The following SH3KBP1 variants were observed in gnomAD, a reference collection of about 807,000 sequenced individuals.
SH3KBP1 encodes SH3 domain-containing kinase-binding protein 1.
Under a neutral mutation model 50.1 loss-of-function variants are expected in SH3KBP1, and 8 were observed. That is an observed-to-expected ratio of 0.16 (90% CI 0.09 to 0.29). SH3KBP1 has a LOEUF of 0.29. Ranked by LOEUF, SH3KBP1 falls within the 10% of genes least tolerant of loss-of-function variation. SH3KBP1 has a pLI of 1.00. For missense variants in SH3KBP1, 377 were observed against 535.2 expected, an observed-to-expected ratio of 0.70 and a Z score of 2.92; for synonymous variants, 227 against 218.6, an observed-to-expected ratio of 1.04 and a Z score of -0.34.
At chrX:19,552,410 G>A (rs2065268242) in intron 13 of SH3KBP1, among the ~76,000 whole-genome samples, 1 of 110,459 alleles carries the variant, frequency 9.1e-6, no homozygotes, top group Non-Finnish European at 1.9e-5. Flanking sequence ...CATAACGAGG[G>A]GCAGAGGAAG....
intron 4 of SH3KBP1, among the ~76,000 whole-genome samples, chrX:19,696,917 C>G (rs1036418473): frequency 9.0e-6 from 1 of 111,727 alleles, no homozygotes; most frequent in Non-Finnish European, 1.9e-5. Context: ...AGGAACCATA[C>G]GTCAAATTTT....
chrX:19,703,757 TG>T (rs1390467262), intron 4 of SH3KBP1, among the ~76,000 whole-genome samples: 1 of 99,126 alleles, frequency 1.0e-5, no homozygotes, highest in East Asian at 3.2e-4. Context: ...TGTGTGTGTG[TG>T]TACAGCTTTG....
chrX:19,578,151 C>T (rs1167954791), intron 12 of SH3KBP1, among the ~76,000 whole-genome samples: 1 of 111,625 alleles, frequency 9.0e-6, no homozygotes, highest in Non-Finnish European at 1.9e-5. Context: ...TTTTTTATGA[C>T]AACTTTTTAC....
At chrX:19,551,550 C>CTTTTTTTTTTTTTTTTTTTTTTTTTTTT (rs397800260) in intron 13 of SH3KBP1, among the ~76,000 whole-genome samples, 11 of 95,146 alleles carry the variant, frequency 1.2e-4, no homozygotes, top group African/African-American at 3.9e-4. Flanking sequence ...CTCCCTCCCT[C>CTTTTTTTTTTTTTTTTTTTTTTTTTTTT]TTTTTTTTTT....
chrX:19,671,534 T>C (rs1569408281), intron 6 of SH3KBP1, among the ~76,000 whole-genome samples: 2 of 111,623 alleles, frequency 1.8e-5, no homozygotes, highest in South Asian at 3.7e-4. Flanking sequence ...TAAATCACAA[T>C]TTTGTTCTTT....
At chrX:19,576,886 C>G (rs1020003992) in intron 12 of SH3KBP1, among the ~76,000 whole-genome samples, 1 of 111,582 alleles carries the variant, frequency 9.0e-6, no homozygotes, top group Non-Finnish European at 1.9e-5. Context: ...AGAGAGCCTC[C>G]TCAGCCAAGG....
At chrX:19,566,941 G>C (rs144729224) in intron 13 of SH3KBP1, among the ~76,000 whole-genome samples, 71 of 111,283 alleles carry the variant, frequency 6.4e-4, no homozygotes, top group African/African-American at 2.3e-3. Context: ...CCCAAACAGA[G>C]GGACAGCAGC....
intron 12 of SH3KBP1, chrX:19,588,400 GTAC>G: frequency 9.0e-7 from 1 of 1,113,799 alleles, no homozygotes; most frequent in Non-Finnish European, 1.2e-6. Context: ...TAAATGCTGG[GTAC>G]CCAGTCCTCA....
chrX:19,859,017 A>G lies in SH3KBP1; in HGVS notation c.5-22735T>C, dbSNP rs531442448. On this transcript the variant is annotated intron_variant, in intron 1 of 17. Transcript: ENST00000397821. Reference sequence around the variant, plus strand: ...AAGTAACTGGCAGAAAGAACTTCGCATATGAGGCTTTGTGTAGTACAGTGT... The same window carrying G: ...AAGTAACTGGCAGAAAGAACTTCGCGTATGAGGCTTTGTGTAGTACAGTGT... Among the ~76,000 whole-genome samples the G allele has an allele frequency of 2.7e-4, 30 of 112,562 alleles. No homozygotes were observed. In the South Asian group the frequency reaches 0.011, roughly 41 times the overall value.
intron 2 of SH3KBP1, among the ~76,000 whole-genome samples, chrX:19,783,324 C>A (rs1478748616): frequency 8.9e-6 from 1 of 112,217 alleles, no homozygotes; most frequent in Non-Finnish European, 1.9e-5. Flanking sequence ...TATTTCAATA[C>A]ATATATACAA....
chrX:19,600,095 C>CA (rs1218369399), intron 9 of SH3KBP1, among the ~76,000 whole-genome samples: 10,526 of 26,681 alleles, frequency 0.39, 2,017 homozygotes, highest in African/African-American at 0.49. Flanking sequence ...GACTCCGTCT[C>CA]AAAAAAAAAA....
chrX:19,607,890 C>T, intron 9 of SH3KBP1, 48 bp downstream of exon 9: 1 of 1,080,957 alleles, frequency 9.3e-7, no homozygotes. Flanking sequence ...TCCCAAGTCC[C>T]AACATGGGAG....
chrX:19,580,752 A>G (rs887024900), intron 12 of SH3KBP1, among the ~76,000 whole-genome samples: 2 of 110,609 alleles, frequency 1.8e-5, no homozygotes, highest in Non-Finnish European at 3.8e-5. Context: ...TCTAGCTTCC[A>G]TGACATCACA....
At chrX:19,882,261 C>T (rs1049496245) in intron 1 of SH3KBP1, among the ~76,000 whole-genome samples, 3 of 110,833 alleles carry the variant, frequency 2.7e-5, no homozygotes, top group African/African-American at 9.8e-5. Context: ...CCCTCCCCGC[C>T]CCCAGATGCC....
rs2060440633 is a variant in SH3KBP1 at position 19,588,801 on chromosome X, T to G, written c.1140A>C (p.Glu380Asp). The stretch of plus-strand genomic sequence containing the variant: ...CCAGTTTTGGCTCTCTCTCTGGTCT[T>G]TCTTTAAATCATTGTTTAAAGAAAA... ...EMLPNRTEEK[E>D]RPEREPKLDL... Residue 380 changes from glutamate (E) to aspartate (D), a missense_variant and splice_region_variant, in exon 12 of 18, where the codon GAA becomes GAC. Physicochemically the swap from Glu to Asp is conservative, Grantham distance 45. Transcript: ENST00000397821. The G allele has an allele frequency of 2.6e-6, 3 of 1,138,729 alleles. No homozygotes were observed. The highest frequency in any genetic ancestry group is 2.5e-4 in the Middle Eastern group (1 of 4,036). The allele number at this position is 1,138,729 out of a possible 1,213,427, so 93.8% of individuals were successfully genotyped here. A position where few individuals can be genotyped will look rare whatever the true frequency, so the allele number is the denominator to read the frequency against.
chrX:19,741,139 G>A (rs2064755365), intron 3 of SH3KBP1, among the ~76,000 whole-genome samples: 1 of 112,412 alleles, frequency 8.9e-6, no homozygotes, highest in Admixed American at 9.4e-5. Flanking sequence ...TGATCCCTCT[G>A]TTAAGGAAAA....
chrX:19,873,361 A>G (rs868159072), intron 1 of SH3KBP1, among the ~76,000 whole-genome samples: 3 of 104,172 alleles, frequency 2.9e-5, no homozygotes, highest in Non-Finnish European at 5.8e-5. Flanking sequence ...ACATATAGCA[A>G]CAAGTATATA....
Position 19,887,328 on chromosome X carries a change from G to T in SH3KBP1, c.-18C>A. ...TCACCCATTGGCGTCGAGCCGGGCC[G>T]GGCCGCCGAGGCAGCGTGAAAGTTG... On this transcript the variant is annotated 5_prime_UTR_variant, in exon 1 of 18. Transcript: ENST00000397821. 1.0e-6 allele frequency: 1 copy of T among 977,443 alleles called. No individual in the cohort carries two copies. The highest frequency in any genetic ancestry group is 3.7e-5 in the South Asian group (1 of 27,093). 80.6% of individuals were successfully genotyped at this position (977,443 alleles called of 1,213,427 possible).
chrX:19,679,718 T>C (rs1365415304), intron 6 of SH3KBP1, among the ~76,000 whole-genome samples: 1 of 111,510 alleles, frequency 9.0e-6, no homozygotes, highest in Admixed American at 9.5e-5. Flanking sequence ...AAATACCAAC[T>C]CATGATCAAT....
Sources: gnomAD v4.1 joint callset for allele counts (sites outside exome capture counted in the v4.1 genomes callset) on GRCh38, gnomAD v4.1.1 for gene constraint, MANE v1.5 for transcripts, NCBI Gene and HGNC (gene_info 2026-07-23, HGNC 2026-07-21) for gene names.